The following SEMA5A variants were observed in gnomAD, a reference collection of about 807,000 sequenced individuals.
The protein encoded by SEMA5A is semaphorin-5A.
SEMA5A carries 55 observed loss-of-function variants against 135.5 expected under a neutral mutation model. The observed-to-expected ratio is 0.41, with a 90% CI of 0.33 to 0.51. The LOEUF (loss-of-function observed/expected upper bound fraction) is 0.51. Among genes scored for constraint, SEMA5A ranks in the 20% least tolerant of loss-of-function variants. The pLI, the probability that SEMA5A is intolerant of heterozygous loss-of-function variation, is 0.37. For missense variants in SEMA5A, 1,290 were observed against 1,419.9 expected (o/e 0.91, Z 1.47); for synonymous variants, 580 against 546.5 (o/e 1.06, Z -0.85).
chr5:9,489,144 C>CA (rs780255861), intron 1 of SEMA5A, among the ~76,000 whole-genome samples: 6 of 152,090 alleles, frequency 3.9e-5, no homozygotes, highest in Non-Finnish European at 8.8e-5. Flanking sequence ...CCATTACATC[C>CA]AAAAAGCATC....
Position 9,463,369 on chromosome 5 carries a change from T to C in SEMA5A, c.-174-25517A>G, listed in dbSNP as rs117257754. Among the ~76,000 whole-genome samples the C allele has an allele frequency of 6.7e-4, 102 of 152,224 alleles. No homozygotes were observed. The East Asian group carries it at 0.017, about 25-fold the overall frequency. On this transcript the variant is annotated intron_variant, in intron 1 of 22. Coordinates refer to ENST00000382496, the MANE Select transcript of SEMA5A (RefSeq NM_003966.3). ...ATACACTTATGGTATCTCCTAAATA[T>C]TAAAGTCTTCTCGAGGGAAGGGCAG...
chr5:9,350,939 A>T (rs375931868), intron 3 of SEMA5A, among the ~76,000 whole-genome samples: 1 of 152,216 alleles, frequency 6.6e-6, no homozygotes, highest in African/African-American at 2.4e-5. Flanking sequence ...ATTGAACCTG[A>T]CAGTGGTACT....
intron 5 of SEMA5A, among the ~76,000 whole-genome samples, chr5:9,297,695 C>T (rs564080422): frequency 8.6e-5 from 13 of 151,238 alleles, no homozygotes; most frequent in Non-Finnish European, 1.6e-4. Flanking sequence ...GCTGGGACTA[C>T]AGGTACATGC....
intron 15 of SEMA5A, among the ~76,000 whole-genome samples, chr5:9,117,218 C>G (rs1024662071): frequency 6.6e-6 from 1 of 152,178 alleles, no homozygotes; most frequent in African/African-American, 2.4e-5. Flanking sequence ...TGGATGCAAA[C>G]GTACGCATAT....
intron 5 of SEMA5A, among the ~76,000 whole-genome samples, chr5:9,297,633 C>T (rs1751405347): frequency 1.3e-5 from 2 of 152,108 alleles, no homozygotes; most frequent in African/African-American, 4.8e-5. Context: ...TGGCTCACTA[C>T]AGCCTCAACC....
At chr5:9,157,703 G>A (rs1743032330) in intron 11 of SEMA5A, among the ~76,000 whole-genome samples, 2 of 152,206 alleles carry the variant, frequency 1.3e-5, no homozygotes, top group Non-Finnish European at 2.9e-5. Flanking sequence ...ACGGCCACCA[G>A]GAAGCACTTG....
At chr5:9,165,265 T>C (rs1743538887) in intron 11 of SEMA5A, among the ~76,000 whole-genome samples, 1 of 152,074 alleles carries the variant, frequency 6.6e-6, no homozygotes, top group Non-Finnish European at 1.5e-5. Context: ...CTGATATATA[T>C]AAAAATTCTT....
chr5:9,061,437 C>G lies in SEMA5A; in HGVS notation c.2518+1450G>C, dbSNP rs1185634882. 3.9e-5 allele frequency among the ~76,000 whole-genome samples: 6 copies of G among 152,012 alleles called. No homozygotes were observed. The East Asian group carries it at 1.2e-3, about 30-fold the overall frequency. ...AGACCAGGCCAGGAGTCCCTGTCCTCATGGAGCTTCAGACAAAAGTCAAGG... is the reference window on the plus strand; with the variant it reads ...AGACCAGGCCAGGAGTCCCTGTCCTGATGGAGCTTCAGACAAAAGTCAAGG... On this transcript the variant is annotated intron_variant, in intron 18 of 22. Coordinates refer to ENST00000382496, the MANE Select transcript of SEMA5A (RefSeq NM_003966.3).
intron 5 of SEMA5A, among the ~76,000 whole-genome samples, chr5:9,294,324 C>T (rs1263520425): frequency 6.6e-6 from 1 of 152,204 alleles, no homozygotes; most frequent in East Asian, 1.9e-4. Context: ...TGGACTTGCA[C>T]ACAACCATGG....
chr5:9,424,607 C>G (rs577572338), intron 2 of SEMA5A, among the ~76,000 whole-genome samples: 1 of 152,170 alleles, frequency 6.6e-6, no homozygotes, highest in Non-Finnish European at 1.5e-5. Context: ...GCCTTCAACT[C>G]AAAGTTAACA....
chr5:9,430,270 G>T (rs1275996781), intron 2 of SEMA5A, among the ~76,000 whole-genome samples: 1 of 152,184 alleles, frequency 6.6e-6, no homozygotes, highest in Non-Finnish European at 1.5e-5. Context: ...GGGGAGAAAA[G>T]AGTTCAGTTT....
At chr5:9,533,213 T>C (rs1737555629) in intron 1 of SEMA5A, among the ~76,000 whole-genome samples, 1 of 152,214 alleles carries the variant, frequency 6.6e-6, no homozygotes, top group Non-Finnish European at 1.5e-5. Context: ...ACAGGATACA[T>C]TTGAACTTGT....
rs555983390 is a variant in SEMA5A, at chr5:9,332,021, C to A, written c.224+5692G>T. Among the ~76,000 whole-genome samples, 276 of 152,320 alleles carry A rather than the reference C, an allele frequency of 1.8e-3. 1 individual carries two copies. The highest frequency in any genetic ancestry group is 6.1e-3 in the African/African-American group (255 of 41,574). ...AGGGGTTTAGTGCAAGGTATTCAGG[C>A]AGCTATGGGCTGATACTCACATTGG... On this transcript the variant is annotated intron_variant, in intron 4 of 22. Transcript: ENST00000382496.
chr5:9,166,492 C>T (rs534812509), intron 11 of SEMA5A, among the ~76,000 whole-genome samples: 1 of 152,288 alleles, frequency 6.6e-6, no homozygotes, highest in Admixed American at 6.5e-5. Context: ...TAAGAGTTTG[C>T]TGCTATTCTT....
chr5:9,479,015 A>T (rs10075682), intron 1 of SEMA5A, among the ~76,000 whole-genome samples: 11,836 of 152,170 alleles, frequency 0.078, 494 homozygotes, highest in South Asian at 0.095. Context: ...TATTCTCATG[A>T]TAGTGAGTTC....
chr5:9,344,605 CA>C lies in SEMA5A; in HGVS notation c.125-6794del, dbSNP rs1273668719. ...AACAGAAAGAAACCAGGGCACACCCCAGGCAGCAAGAAGTCCAGGGGAAAGA... is the reference window on the plus strand; with the variant it reads ...AACAGAAAGAAACCAGGGCACACCCCGGCAGCAAGAAGTCCAGGGGAAAGA... On this transcript the variant is annotated intron_variant, in intron 3 of 22. Coordinates refer to ENST00000382496, the MANE Select transcript of SEMA5A (RefSeq NM_003966.3). Among the ~76,000 whole-genome samples the C allele has an allele frequency of 2.0e-5, 3 of 152,120 alleles. No individual in the cohort carries two copies. In the East Asian group the frequency reaches 5.8e-4, roughly 29 times the overall value.
At chr5:9,357,558 AC>A (rs1200755731) in intron 3 of SEMA5A, among the ~76,000 whole-genome samples, 5 of 152,226 alleles carry the variant, frequency 3.3e-5, no homozygotes. Flanking sequence ...CATTAAAAAT[AC>A]CCAGGGAGAG....
In SEMA5A at chr5:9,197,780, G is replaced by GTGTGTA. The variant is rs1402121195; in HGVS notation, c.933-478_933-477insTACACA. Among the ~76,000 whole-genome samples, 510 of 104,010 alleles carry GTGTGTA rather than the reference G, an allele frequency of 4.9e-3. 21 individuals carry two copies. Among genetic ancestry groups the GTGTGTA allele is most frequent in the Admixed American group, 7.2e-3 (67 of 9,254 alleles). 68.2% of individuals were successfully genotyped at this position (104,010 alleles called of 152,430 possible). On this transcript the variant is annotated intron_variant, in intron 9 of 22. Coordinates refer to ENST00000382496, the MANE Select transcript of SEMA5A (RefSeq NM_003966.3). The stretch of plus-strand genomic sequence containing the variant: ...TGTGTGTGTGTGTGTGTGTGTGTGT[G>GTGTGTA]TGTGTTTTAACCCAGATATTTGTTT...
intron 12 of SEMA5A, among the ~76,000 whole-genome samples, chr5:9,143,364 C>A (rs747380712): frequency 1.7e-4 from 16 of 94,756 alleles, no homozygotes; most frequent in Non-Finnish European, 2.9e-4. Context: ...TAGTGATTAA[C>A]TTTTAATACT....
Sources: gnomAD v4.1 joint callset for allele counts (sites outside exome capture counted in the v4.1 genomes callset) on GRCh38, gnomAD v4.1.1 for gene constraint, MANE v1.5 for transcripts, NCBI Gene and HGNC (gene_info 2026-07-23, HGNC 2026-07-21) for gene names.